Variants in PPP2R2D observed in about 807,000 individuals in gnomAD.
PPP2R2D encodes protein phosphatase 2 regulatory subunit Bdelta, also known as serine/threonine-protein phosphatase 2A 55 kDa regulatory subunit B delta isoform.
PPP2R2D carries 9 observed loss-of-function variants against 31.1 expected under a neutral mutation model. The ratio of observed to expected loss-of-function variants is 0.29; its 90% CI spans 0.17 to 0.51. The LOEUF is 0.51. Among genes scored for constraint, PPP2R2D ranks in the 20% least tolerant of loss-of-function variants. The probability of loss-of-function intolerance (pLI) is 0.98; values close to 1 mark genes in which losing one functional copy is unlikely to be tolerated. For missense variants in PPP2R2D, 391 were observed against 465.6 expected (o/e 0.84, Z 1.48); for synonymous variants, 179 against 172.6 (o/e 1.04, Z -0.29).
chr10:131,931,130 T>A (rs1483531008), intron 2 of PPP2R2D, among the ~76,000 whole-genome samples: 1 of 152,126 alleles, frequency 6.6e-6, no homozygotes, highest in Non-Finnish European at 1.5e-5. Flanking sequence ...TCCTCTCCCC[T>A]CCATCAGGCG....
downstream of PPP2R2D, among the ~76,000 whole-genome samples, chr10:131,960,933 G>A (rs565200341): frequency 4.6e-5 from 7 of 152,332 alleles, no homozygotes; most frequent in African/African-American, 1.4e-4. Flanking sequence ...GGCTCTGCTC[G>A]TCCTGGGCTG....
intron 8 of PPP2R2D, among the ~76,000 whole-genome samples, chr10:131,954,306 C>T (rs782187668): frequency 1.3e-5 from 2 of 152,256 alleles, no homozygotes; most frequent in African/African-American, 4.8e-5. Flanking sequence ...CATCATCTGT[C>T]GTCTGTGTTC....
Position 131,959,776 on chromosome 10 carries a change from A to G in PPP2R2D, c.*3813A>G, listed in dbSNP as rs1420259686. ...GACAGTTCTAGTAAAATGGGATTGTATATATTTGTTCAACTATTTTGACCA... is the reference window on the plus strand; with the variant it reads ...GACAGTTCTAGTAAAATGGGATTGTGTATATTTGTTCAACTATTTTGACCA... On this transcript the variant is annotated 3_prime_UTR_variant, in exon 9 of 9. Coordinates refer to ENST00000455566, the MANE Select transcript of PPP2R2D (RefSeq NM_018461.5). 6.6e-6 allele frequency: 1 copy of G among 152,238 alleles called. No individual in the cohort carries two copies. Among genetic ancestry groups the G allele is most frequent in the Non-Finnish European group, 1.5e-5 (1 of 68,042 alleles). 9.4% of individuals were successfully genotyped at this position (152,238 alleles called of 1,614,324 possible).
downstream of PPP2R2D, among the ~76,000 whole-genome samples, chr10:131,960,597 G>A (rs1261562537): frequency 1.3e-5 from 2 of 152,034 alleles, no homozygotes; most frequent in African/African-American, 4.8e-5. Flanking sequence ...GCCTCCCAAA[G>A]CCCAGTGCCA....
intron 5 of PPP2R2D, among the ~76,000 whole-genome samples, chr10:131,942,322 G>A (rs564692919): frequency 4.6e-5 from 7 of 152,306 alleles, no homozygotes; most frequent in African/African-American, 1.2e-4. Context: ...TAAATAAAAC[G>A]GGTATAATTG....
At chr10:131,928,047 A>G (rs1241880292) in intron 2 of PPP2R2D, among the ~76,000 whole-genome samples, 5 of 152,136 alleles carry the variant, frequency 3.3e-5, no homozygotes, top group African/African-American at 1.2e-4. Context: ...TTGCTCCAGG[A>G]GCTGTCTACG....
intron 2 of PPP2R2D, among the ~76,000 whole-genome samples, chr10:131,925,760 G>A (rs145303128): frequency 1.7e-4 from 26 of 152,238 alleles, no homozygotes; most frequent in Admixed American, 5.9e-4. Flanking sequence ...ACATTGAAGG[G>A]TGAGGAGGCA....
chr10:131,932,086 C>T (rs1554895755), intron 2 of PPP2R2D, among the ~76,000 whole-genome samples: 1 of 152,194 alleles, frequency 6.6e-6, no homozygotes, highest in East Asian at 1.9e-4. Flanking sequence ...AACACACACG[C>T]ATGGCCCACC....
Position 131,907,937 on chromosome 10 carries a change from T to C in PPP2R2D, c.100+6607T>C, listed in dbSNP as rs999461103. Among the ~76,000 whole-genome samples the C allele has an allele frequency of 4.8e-4, 73 of 152,296 alleles. 2 individuals are homozygous for C. Among genetic ancestry groups the C allele is most frequent in the African/African-American group, 1.6e-3 (65 of 41,572 alleles). ...TGCTGTTCTGATGGGAAGTTCCAGG[T>C]TGGGTTTGTGTCTGCTGTTTTCAAC... On this transcript the variant is annotated intron_variant, in intron 2 of 8. Transcript: ENST00000455566.
intron 2 of PPP2R2D, among the ~76,000 whole-genome samples, chr10:131,907,073 C>A (rs2035601381): frequency 6.6e-6 from 1 of 151,924 alleles, no homozygotes; most frequent in East Asian, 1.9e-4. Context: ...TTCAGAGATA[C>A]TAAGATGTGG....
chr10:131,963,504 C>T (rs1264519446), downstream of PPP2R2D, among the ~76,000 whole-genome samples: 1 of 152,236 alleles, frequency 6.6e-6, no homozygotes, highest in Non-Finnish European at 1.5e-5. Flanking sequence ...CATCGGGTAG[C>T]ATCCTGTGCA....
chr10:131,959,176 G>A lies in PPP2R2D; in HGVS notation c.*3213G>A, dbSNP rs1176688167. ...GTGTGTGCTGATCCCCGGTCCCCCT[G>A]TGGAGATGAAGGTGTGTGCTGATCC... On this transcript the variant is annotated 3_prime_UTR_variant, in exon 9 of 9. Coordinates refer to ENST00000455566, the MANE Select transcript of PPP2R2D (RefSeq NM_018461.5). The A allele has an allele frequency of 1.9e-5, 3 of 160,924 alleles. 1 individual carries two copies. In the Admixed American group the frequency reaches 2.3e-4, roughly 12 times the overall value. 10.0% of individuals were successfully genotyped at this position (160,924 alleles called of 1,614,324 possible).
intron 2 of PPP2R2D, among the ~76,000 whole-genome samples, chr10:131,907,049 A>G (rs2119715974): frequency 6.6e-6 from 1 of 152,180 alleles, no homozygotes; most frequent in South Asian, 2.1e-4. Flanking sequence ...GTATATATAA[A>G]ATCTACATCT....
intron 2 of PPP2R2D, among the ~76,000 whole-genome samples, chr10:131,904,974 G>A (rs990629454): frequency 6.0e-5 from 8 of 133,658 alleles, no homozygotes; most frequent in Non-Finnish European, 1.2e-4. Flanking sequence ...AATTTGATGC[G>A]CACCCCACCC....
At chr10:131,917,093 A>G (rs868978568) in intron 2 of PPP2R2D, among the ~76,000 whole-genome samples, 13 of 110,602 alleles carry the variant, frequency 1.2e-4, no homozygotes, top group African/African-American at 1.8e-4. Context: ...GGGACCTCAC[A>G]CGGGTGGAAT....
chr10:131,923,719 A>G (rs899804927), intron 2 of PPP2R2D, among the ~76,000 whole-genome samples: 8 of 152,128 alleles, frequency 5.3e-5, no homozygotes, highest in East Asian at 1.9e-4. Context: ...GGACATTTAT[A>G]TATATATATT....
intron 2 of PPP2R2D, among the ~76,000 whole-genome samples, chr10:131,929,175 G>C (rs757746703): frequency 6.6e-6 from 1 of 152,158 alleles, no homozygotes; most frequent in Non-Finnish European, 1.5e-5. Context: ...TCTGTCTCCT[G>C]TGCTTCCCGC....
At chr10:131,942,352 G>A (rs1013602533) in intron 5 of PPP2R2D, among the ~76,000 whole-genome samples, 1 of 152,234 alleles carries the variant, frequency 6.6e-6, no homozygotes, top group Non-Finnish European at 1.5e-5. Context: ...CTGAAGGTGT[G>A]TGAGAAGTCT....
intron 2 of PPP2R2D, among the ~76,000 whole-genome samples, chr10:131,928,529 T>C (rs952490633): frequency 1.1e-4 from 16 of 152,104 alleles, no homozygotes; most frequent in African/African-American, 1.2e-4. Flanking sequence ...ATTGACAGGG[T>C]TTTTTCAGGC....
Sources: gnomAD v4.1 joint callset for allele counts (sites outside exome capture counted in the v4.1 genomes callset) on GRCh38, gnomAD v4.1.1 for gene constraint, MANE v1.5 for transcripts, NCBI Gene and HGNC (gene_info 2026-07-23, HGNC 2026-07-21) for gene names.